The following TRIM8 variants were observed in gnomAD, a reference collection of about 807,000 sequenced individuals.
TRIM8 encodes E3 ubiquitin-protein ligase TRIM8.
TRIM8 carries 9 observed loss-of-function variants against 55.7 expected under a neutral mutation model. The observed-to-expected ratio is 0.16, with a 90% confidence interval of 0.10 to 0.28. TRIM8 has a LOEUF of 0.28. Among genes scored for constraint, TRIM8 ranks in the 10% least tolerant of loss-of-function variants. The pLI, the probability that TRIM8 is intolerant of heterozygous loss-of-function variation, is 1.00. For missense variants in TRIM8, 556 were observed against 736.4 expected, an observed-to-expected ratio of 0.76 and a Z score of 2.83; for synonymous variants, 335 against 333.3, an observed-to-expected ratio of 1.01 and a Z score of -0.06.
At chr10:102,649,803 G>A (rs2135978482) in intron 1 of TRIM8, among the ~76,000 whole-genome samples, 1 of 152,214 alleles carries the variant, frequency 6.6e-6, no homozygotes, top group Non-Finnish European at 1.5e-5. Context: ...CAAGGCAGTG[G>A]CTTGAGGCAT....
chr10:102,656,014 G>GGCTCAGGGGGGGCA lies in TRIM8; in HGVS notation c.901-88_901-75dup. ...GAGAGGATCCACCCAGCCTGGGGGA[G>GGCTCAGGGGGGGCA]GCTCAGGGGGGGCAGCTTTTGTCTT... On this transcript the variant is annotated intron_variant, in intron 3 of 5. Transcript: ENST00000643721. The surrounding 1 kb of genome is among the most constrained non-coding windows in gnomAD (Gnocchi z 4.6). 1.3e-6 allele frequency: 2 copies of GGCTCAGGGGGGGCA among 1,592,042 alleles called. No individual in the cohort carries two copies. Among genetic ancestry groups the GGCTCAGGGGGGGCA allele is most frequent in the Non-Finnish European group, 1.7e-6 (2 of 1,160,444 alleles).
chr10:102,646,105 A>C (rs182823530), intron 1 of TRIM8, among the ~76,000 whole-genome samples: 61 of 152,162 alleles, frequency 4.0e-4, no homozygotes, highest in Middle Eastern at 3.4e-3. Context: ...GGCCAATGTC[A>C]AACCGCCTCC....
chr10:102,654,597 T>C (rs2135982878), intron 1 of TRIM8, 56 bp from the exon 2 acceptor site: 1 of 1,337,644 alleles, frequency 7.5e-7, no homozygotes, highest in Non-Finnish European at 1.1e-6. Flanking sequence ...GAGGGAAGCA[T>C]GGGTCAGGGT....
At chr10:102,655,528 G>C (rs2064017084) in intron 3 of TRIM8, among the ~76,000 whole-genome samples, 1 of 152,170 alleles carries the variant, frequency 6.6e-6, no homozygotes, top group Non-Finnish European at 1.5e-5. Flanking sequence ...TGGTGTTGAT[G>C]ATACAGGTCT....
Position 102,658,074 on chromosome 10 carries a change from A to G in TRIM8, c.*720A>G, listed in dbSNP as rs1423265939. 1 of 152,106 alleles carries G rather than the reference A, an allele frequency of 6.6e-6. No homozygotes were observed. Among genetic ancestry groups the G allele is most frequent in the Non-Finnish European group, 1.5e-5 (1 of 67,990 alleles). The allele number at this position is 152,106 out of a possible 1,614,324, so 9.4% of individuals were successfully genotyped here. A position where few individuals can be genotyped will look rare whatever the true frequency, so the allele number is the denominator to read the frequency against. ...GCAAAAGCAAATAATAATAATATTAATAATAATAAAGAGAAATAAAATAAT... is the reference window on the plus strand; with the variant it reads ...GCAAAAGCAAATAATAATAATATTAGTAATAATAAAGAGAAATAAAATAAT... On this transcript the variant is annotated 3_prime_UTR_variant, in exon 6 of 6. Coordinates refer to ENST00000643721, the MANE Select transcript of TRIM8 (RefSeq NM_030912.3).
chr10:102,656,833 C>T lies in TRIM8; in HGVS notation c.1135C>T (p.His379Tyr). Residue 379 changes from histidine to tyrosine, a missense_variant, in exon 6 of 6, where the codon CAC becomes TAC. Physicochemically the swap from His to Tyr is moderately conservative, Grantham distance 83. This residue lies in a region of TRIM8 where 391 missense variants were observed against 441.0 expected (regional missense o/e 0.89). Coordinates refer to ENST00000643721, the MANE Select transcript of TRIM8 (RefSeq NM_030912.3). The surrounding 1 kb of genome is among the most constrained non-coding windows in gnomAD (Gnocchi z 4.6). Reference protein sequence around the residue: ...VSSSGAEKRKHSTAFPEASFL... With the variant: ...VSSSGAEKRKYSTAFPEASFL... The stretch of plus-strand genomic sequence containing the variant: ...CAGCTCTGGGGCGGAAAAGCGCAAG[C>T]ACTCAACGGCCTTCCCAGAGGCCAG... 6.5e-7 allele frequency: 1 copy of T among 1,539,118 alleles called. No homozygotes were observed. Among genetic ancestry groups the T allele is most frequent in the Non-Finnish European group, 8.7e-7 (1 of 1,144,686 alleles).
At chr10:102,646,902 T>C (rs1041370733) in intron 1 of TRIM8, among the ~76,000 whole-genome samples, 3 of 152,230 alleles carry the variant, frequency 2.0e-5, no homozygotes, top group Non-Finnish European at 4.4e-5. Context: ...GGCGGATGCC[T>C]GCCCGCACCC....
In TRIM8 at chr10:102,657,945, C is replaced by T. The variant is rs1359078755; in HGVS notation, c.*591C>T. 1 of 152,566 alleles carries T rather than the reference C, an allele frequency of 6.6e-6. No individual in the cohort carries two copies. The highest frequency in any genetic ancestry group is 1.5e-5 in the Non-Finnish European group (1 of 68,038). The allele number at this position is 152,566 out of a possible 1,614,324, so 9.5% of individuals were successfully genotyped here. On this transcript the variant is annotated 3_prime_UTR_variant, in exon 6 of 6. Coordinates refer to ENST00000643721, the MANE Select transcript of TRIM8 (RefSeq NM_030912.3). ...CAGACGGAGTTCAAAGGCCACTTCT[C>T]AAGCAGCTTTTGGCACCTTCAGCCT...
chr10:102,645,555 T>C, intron 1 of TRIM8: 1 of 196,814 alleles, frequency 5.1e-6, no homozygotes, highest in Non-Finnish European at 1.0e-5. Flanking sequence ...CGGTCCTGCC[T>C]CTCCAGCTGC....
chr10:102,657,923 A>G lies in TRIM8; in HGVS notation c.*569A>G, dbSNP rs1375661304. The G allele has an allele frequency of 6.6e-6, 1 of 152,432 alleles. No individual in the cohort carries two copies. Among genetic ancestry groups the G allele is most frequent in the Non-Finnish European group, 1.5e-5 (1 of 68,046 alleles). 9.4% of individuals were successfully genotyped at this position (152,432 alleles called of 1,614,324 possible). A position where few individuals can be genotyped will look rare whatever the true frequency, so the allele number is the denominator to read the frequency against. ...TTCCTTCTCCTCACCATCTTCCCAG[A>G]CGGAGTTCAAAGGCCACTTCTCAAG... is the stretch of plus-strand genomic sequence containing the variant. On this transcript the variant is annotated 3_prime_UTR_variant, in exon 6 of 6. Transcript: ENST00000643721.
intron 1 of TRIM8, chr10:102,654,425 A>G (rs2064007542): frequency 6.5e-6 from 3 of 458,826 alleles, no homozygotes; most frequent in Non-Finnish European, 1.2e-5. Context: ...CAACAGAGTG[A>G]GAATCCATCT....
chr10:102,656,025 G>C lies in TRIM8; in HGVS notation c.901-81G>C. 1.9e-6 allele frequency: 3 copies of C among 1,606,682 alleles called. No individual in the cohort carries two copies. The South Asian group carries it at 3.3e-5, about 18-fold the overall frequency. On this transcript the variant is annotated intron_variant, in intron 3 of 5. Transcript: ENST00000643721. The surrounding 1 kb of genome is among the most constrained non-coding windows in gnomAD (Gnocchi z 4.6). ...CCCAGCCTGGGGGAGGCTCAGGGGG[G>C]GCAGCTTTTGTCTTCCCCTCTCCCC...
chr10:102,655,384 G>A lies in TRIM8; in HGVS notation c.900+71G>A, dbSNP rs751318836. 8 of 1,399,288 alleles carry A rather than the reference G, an allele frequency of 5.7e-6. No individual in the cohort carries two copies. The South Asian group carries it at 6.2e-5, about 11-fold the overall frequency. The allele number at this position is 1,399,288 out of a possible 1,614,324, so 86.7% of individuals were successfully genotyped here. ...TCCAAATTGAGATCTGCAGTTTCCT[G>A]CACCTGTAGCTCACATGCCCTTACC... is the stretch of plus-strand genomic sequence containing the variant. On this transcript the variant is annotated intron_variant, in intron 3 of 5. Coordinates refer to ENST00000643721, the MANE Select transcript of TRIM8 (RefSeq NM_030912.3).
chr10:102,651,133 C>T (rs1051607764), intron 1 of TRIM8, among the ~76,000 whole-genome samples: 11 of 152,314 alleles, frequency 7.2e-5, no homozygotes, highest in Middle Eastern at 6.8e-3. Context: ...CCAACCCCTG[C>T]AGCAGAGACA....
At chr10:102,645,308 C>T in intron 1 of TRIM8, 121 bp downstream of exon 1, 2 of 1,120,772 alleles carry the variant, frequency 1.8e-6, no homozygotes, top group Non-Finnish European at 2.4e-6. Context: ...GCCAGTGGCC[C>T]CTGGCCAAAC....
chr10:102,647,436 A>G (rs2063945888), intron 1 of TRIM8, among the ~76,000 whole-genome samples: 1 of 152,192 alleles, frequency 6.6e-6, no homozygotes, highest in Non-Finnish European at 1.5e-5. Flanking sequence ...GCCCCAGGCC[A>G]CTGGGGTTGG....
At chr10:102,652,204 C>T (rs1180298307) in intron 1 of TRIM8, among the ~76,000 whole-genome samples, 2 of 152,212 alleles carry the variant, frequency 1.3e-5, no homozygotes, top group African/African-American at 4.8e-5. Context: ...CTTCCTCCTG[C>T]TCCCAGGGTT....
chr10:102,648,098 T>C (rs575951525), intron 1 of TRIM8, among the ~76,000 whole-genome samples: 10 of 152,184 alleles, frequency 6.6e-5, no homozygotes, highest in South Asian at 2.1e-4. Flanking sequence ...AGGATGTGCC[T>C]AGATCCTAAA....
chr10:102,645,634 G>A (rs1054822048), intron 1 of TRIM8: 1 of 157,270 alleles, frequency 6.4e-6, no homozygotes, highest in African/African-American at 2.4e-5. Context: ...GCATACCAAT[G>A]AGGAAGTAAA....
Sources: gnomAD v4.1 joint callset for allele counts (sites outside exome capture counted in the v4.1 genomes callset) on GRCh38, gnomAD v4.1.1 for gene constraint, gnomAD v4.1.1 regional missense constraint, Gnocchi (gnomAD v3.1) non-coding constraint, MANE v1.5 for transcripts, NCBI Gene and HGNC (gene_info 2026-07-23, HGNC 2026-07-21) for gene names.